The following MRS2 variants were observed in gnomAD, a reference collection of about 807,000 sequenced individuals.
The protein encoded by MRS2 is magnesium transporter MRS2.
In MRS2, 40 loss-of-function variants were observed where a neutral mutation model predicts 52.6. The ratio of observed to expected loss-of-function variants is 0.76; its 90% CI spans 0.59 to 0.99. The LOEUF (loss-of-function observed/expected upper bound fraction) is 0.99. Ranked by LOEUF, MRS2 falls within the 50% of genes least tolerant of loss-of-function variation. The pLI, the probability that MRS2 is intolerant of heterozygous loss-of-function variation, is 0.00. For missense variants in MRS2, 472 were observed against 532.7 expected (o/e 0.89, Z 1.12); for synonymous variants, 193 against 195.9 (o/e 0.98, Z 0.13).
chr6:24,411,138 C>T (rs1206332731), intron 4 of MRS2, among the ~76,000 whole-genome samples: 7 of 150,014 alleles, frequency 4.7e-5, no homozygotes, highest in Non-Finnish European at 7.4e-5. Context: ...TGCAGTGAGC[C>T]GAGATTGCCC....
rs150525335 is a variant in MRS2 at position 24,415,966 on chromosome 6, C to T, written c.720-431C>T. On this transcript the variant is annotated intron_variant, in intron 6 of 10. Coordinates refer to ENST00000378386, the MANE Select transcript of MRS2 (RefSeq NM_020662.4). ...GTGTTTTTGAGACGGGGTTTCACTCCGTTGCCCAGGCTGGAGTGCAGTGGT... is the reference window on the plus strand; with the variant it reads ...GTGTTTTTGAGACGGGGTTTCACTCTGTTGCCCAGGCTGGAGTGCAGTGGT... 7.7e-4 allele frequency among the ~76,000 whole-genome samples: 117 copies of T among 151,860 alleles called. 1 individual carries two copies. Among genetic ancestry groups the T allele is most frequent in the Non-Finnish European group, 9.7e-4 (66 of 67,938 alleles).
intron 4 of MRS2, 103 bp from the exon 5 acceptor site, chr6:24,412,119 C>G: frequency 1.7e-6 from 1 of 591,710 alleles, no homozygotes; most frequent in Non-Finnish European, 2.5e-6. Context: ...TACAGCTCTA[C>G]AATTTGCATA....
chr6:24,407,373 A>G (rs989483863), intron 2 of MRS2, among the ~76,000 whole-genome samples: 1 of 152,190 alleles, frequency 6.6e-6, no homozygotes, highest in African/African-American at 2.4e-5. Context: ...TAAAATATAT[A>G]TATTGTGAGT....
chr6:24,414,772 G>A (rs889633759), intron 5 of MRS2, among the ~76,000 whole-genome samples: 12 of 152,294 alleles, frequency 7.9e-5, no homozygotes, highest in Middle Eastern at 3.4e-3. Context: ...CTGGCCGGGC[G>A]GGAGGAGAAA....
intron 7 of MRS2, among the ~76,000 whole-genome samples, 155 bp downstream of exon 7, chr6:24,416,668 A>T (rs1166235638): frequency 6.6e-6 from 1 of 152,172 alleles, no homozygotes; most frequent in Non-Finnish European, 1.5e-5. Context: ...CCTGTGCAGT[A>T]TCGTATCTAA....
In MRS2 at chr6:24,405,526, G is replaced by A. The variant is rs145033730; in HGVS notation, c.264+285G>A. On this transcript the variant is annotated intron_variant, in intron 2 of 10. Transcript: ENST00000378386. ...GAACCTATGTTCTGCAAGATAATAC[G>A]CAGGCAGAAGCATTTTGAAGGCAGC... 5.0e-3 allele frequency among the ~76,000 whole-genome samples: 753 copies of A among 152,050 alleles called. 7 individuals are homozygous for A. The highest frequency in any genetic ancestry group is 0.017 in the African/African-American group (698 of 41,434).
Position 24,416,448 on chromosome 6 carries a change from G to A in MRS2, c.771G>A (p.Glu257=). The change falls in exon 7 of 11, where the codon GAG becomes GAA. Residue 257 remains glutamate (E), a synonymous_variant. Transcript: ENST00000378386. The stretch of plus-strand genomic sequence containing the variant: ...AAATTTTCAAAGAGTCAATTTTGGA[G>A]ATCTTGGATGAGGAAGAGTTGCTAG... ...DIKIFKESIL[E]ILDEEELLEE... 1.2e-6 allele frequency: 2 copies of A among 1,605,980 alleles called. No individual in the cohort carries two copies. The highest frequency in any genetic ancestry group is 1.7e-6 in the Non-Finnish European group (2 of 1,173,618).
At chr6:24,423,209 T>TA in intron 10 of MRS2, 159 bp downstream of exon 10, 1 of 599,744 alleles carries the variant, frequency 1.7e-6, no homozygotes, top group Middle Eastern at 2.6e-4. Flanking sequence ...AAGTCGGTAT[T>TA]ACCTGCTTCA....
At chr6:24,412,863 T>C (rs1449181303) in intron 5 of MRS2, among the ~76,000 whole-genome samples, 1 of 152,120 alleles carries the variant, frequency 6.6e-6, no homozygotes, top group Non-Finnish European at 1.5e-5. Context: ...TCATTATCTT[T>C]TCTTCCTCCT....
At position 24,415,205 on chromosome 6, in the gene MRS2, T is replaced by A. The variant is rs767361905; in HGVS notation, c.719+42T>A. On this transcript the variant is annotated intron_variant, in intron 6 of 10. Transcript: ENST00000378386. ...TATCACATTGGGAGTTGGAGACAAA[T>A]ATCTTAAAATCAATTATTAACATTT... 10 of 1,485,818 alleles carry A rather than the reference T, an allele frequency of 6.7e-6. No homozygotes were observed. The Admixed American group carries it at 2.0e-4, about 29-fold the overall frequency. The allele number at this position is 1,485,818 out of a possible 1,614,324, so 92.0% of individuals were successfully genotyped here. A position where few individuals can be genotyped will look rare whatever the true frequency, so the allele number is the denominator to read the frequency against.
chr6:24,402,966 G>T lies in MRS2; in HGVS notation c.-81G>T. On this transcript the variant is annotated 5_prime_UTR_variant, in exon 1 of 11. It adds an upstream start codon to the 5' untranslated region. Transcript: ENST00000378386. ...GTCTGCAGGTCGGGCGGTAGCGACAGGTCAGAGCTGCGGCCTGAGCAGCCA... is the reference window on the plus strand; with the variant it reads ...GTCTGCAGGTCGGGCGGTAGCGACATGTCAGAGCTGCGGCCTGAGCAGCCA... The T allele has an allele frequency of 7.4e-7, 1 of 1,356,728 alleles. No homozygotes were observed. The highest frequency in any genetic ancestry group is 1.4e-5 in the South Asian group (1 of 70,722). The allele number at this position is 1,356,728 out of a possible 1,614,324, so 84.0% of individuals were successfully genotyped here. A position where few individuals can be genotyped will look rare whatever the true frequency, so the allele number is the denominator to read the frequency against.
chr6:24,404,411 A>T (rs1423439347), intron 1 of MRS2, among the ~76,000 whole-genome samples: 2 of 152,240 alleles, frequency 1.3e-5, no homozygotes, highest in Admixed American at 6.5e-5. Context: ...GAAACTTCAG[A>T]TACTAACAAA....
intron 9 of MRS2, among the ~76,000 whole-genome samples, chr6:24,422,061 A>C (rs137939282): frequency 1.3e-5 from 2 of 152,276 alleles, no homozygotes; most frequent in African/African-American, 4.8e-5. Flanking sequence ...GAGGCACAAG[A>C]ATCGCTTGAA....
chr6:24,417,248 A>G (rs377092053), intron 7 of MRS2, among the ~76,000 whole-genome samples: 24 of 152,226 alleles, frequency 1.6e-4, no homozygotes, highest in African/African-American at 4.8e-4. Flanking sequence ...TGTCTCTAAT[A>G]TGCTTTATGA....
intron 8 of MRS2, 100 bp downstream of exon 8, chr6:24,418,336 T>C: frequency 6.7e-7 from 1 of 1,500,994 alleles, no homozygotes; most frequent in Non-Finnish European, 8.9e-7. Flanking sequence ...CATTATCATC[T>C]ATACTACATT....
At chr6:24,409,028 C>G (rs567159773) in intron 3 of MRS2, among the ~76,000 whole-genome samples, 4 of 152,194 alleles carry the variant, frequency 2.6e-5, no homozygotes, top group Non-Finnish European at 4.4e-5. Context: ...TTCAGCTTTT[C>G]TCATTTTTGT....
intron 5 of MRS2, among the ~76,000 whole-genome samples, chr6:24,414,507 T>G (rs995288557): frequency 1.3e-4 from 20 of 152,200 alleles, no homozygotes; most frequent in African/African-American, 3.9e-4. Flanking sequence ...CAGAAGAATT[T>G]TTCTTAGTAC....
At chr6:24,423,075 GTATT>G in intron 10 of MRS2, 25 bp downstream of exon 10, 1 of 1,581,602 alleles carries the variant, frequency 6.3e-7, no homozygotes, top group Non-Finnish European at 8.7e-7. Context: ...GTTCACGGCG[GTATT>G]GTGGAAGGGT....
intron 9 of MRS2, 124 bp from the exon 10 acceptor site, chr6:24,422,812 TC>T (rs770813128): frequency 3.1e-5 from 17 of 548,818 alleles, no homozygotes; most frequent in Non-Finnish European, 5.2e-5. Context: ...TTTTCTTAGT[TC>T]CTTTCTACAG....
Sources: gnomAD v4.1 joint callset for allele counts (sites outside exome capture counted in the v4.1 genomes callset) on GRCh38, gnomAD v4.1.1 for gene constraint, MANE v1.5 for transcripts, NCBI Gene and HGNC (gene_info 2026-07-23, HGNC 2026-07-21) for gene names.